Variants in C19orf38 observed in about 807,000 individuals in gnomAD.
C19orf38 encodes protein HIDE1.
A neutral mutation model predicts 26.6 loss-of-function variants in C19orf38; 14 were observed. The observed-to-expected ratio is 0.53, with a 90% CI of 0.35 to 0.82. C19orf38 has a LOEUF of 0.82. Ranked by LOEUF, C19orf38 falls within the 40% of genes least tolerant of loss-of-function variation. The pLI, the probability that C19orf38 is intolerant of heterozygous loss-of-function variation, is 0.01. For missense variants in C19orf38, 261 were observed against 299.5 expected, an observed-to-expected ratio of 0.87 and a Z score of 0.95; for synonymous variants, 132 against 128.5, an observed-to-expected ratio of 1.03 and a Z score of -0.18.
rs1254687367 is a variant in C19orf38 at position 10,850,404 on chromosome 19, G to A, written c.177G>A (p.Gln59=). 13 of 1,550,694 alleles carry A rather than the reference G, an allele frequency of 8.4e-6. No homozygotes were observed. The highest frequency in any genetic ancestry group is 2.4e-5 in the South Asian group (2 of 84,020). Residue 59 remains glutamine (Q), a synonymous_variant, in exon 2 of 7, where the codon CAG becomes CAA. Coordinates refer to ENST00000397820, the MANE Select transcript of C19orf38 (RefSeq NM_001136482.3). ...FTLYRGGQVV[Q]LLQAPTDQRG... ...TGTATCGAGGGGGGCAGGTGGTCCA[G>A]CTCCTGCAGGCCCCCACGGACCAGC...
intron 6 of C19orf38, among the ~76,000 whole-genome samples, chr19:10,864,796 G>T (rs2073736223): frequency 6.6e-6 from 1 of 152,130 alleles, no homozygotes; most frequent in Non-Finnish European, 1.5e-5. Flanking sequence ...TTGATGAGGG[G>T]GCCAAGGGAG....
At chr19:10,837,655 G>A (rs1364952317) in intron 1 of C19orf38, among the ~76,000 whole-genome samples, 1 of 150,874 alleles carries the variant, frequency 6.6e-6, no homozygotes, top group Non-Finnish European at 1.5e-5. Flanking sequence ...CTACAGGCAC[G>A]TGCCACCACA....
chr19:10,850,681 C>G, intron 2 of C19orf38, 114 bp downstream of exon 2: 3 of 1,123,626 alleles, frequency 2.7e-6, no homozygotes, highest in Non-Finnish European at 3.8e-6. Context: ...TACACCCTGC[C>G]AGGACTTACT....
In C19orf38 at chr19:10,857,366, A is replaced by ATTTTTTT. The variant is rs773726753; in HGVS notation, c.434-937_434-931dup. 3.4e-3 allele frequency among the ~76,000 whole-genome samples: 188 copies of ATTTTTTT among 56,080 alleles called. 15 individuals are homozygous for ATTTTTTT. The highest frequency in any genetic ancestry group is 0.018 in the African/African-American group (104 of 5,824). 36.8% of individuals were successfully genotyped at this position (56,080 alleles called of 152,430 possible). ...TATATATATATATATATATATATAT[A>ATTTTTTT]TTTTTTTTTTTTTTTTTTTAAGATG... is the stretch of plus-strand genomic sequence containing the variant. On this transcript the variant is annotated intron_variant, in intron 3 of 6. Transcript: ENST00000397820.
At chr19:10,867,211 A>T (rs1323881890) in intron 6 of C19orf38, among the ~76,000 whole-genome samples, 5 of 151,574 alleles carry the variant, frequency 3.3e-5, no homozygotes, top group African/African-American at 1.2e-4. Flanking sequence ...TGGACATCTC[A>T]TGGATATGAG....
chr19:10,851,431 C>G (rs920055824), intron 2 of C19orf38, among the ~76,000 whole-genome samples: 1 of 151,026 alleles, frequency 6.6e-6, no homozygotes, highest in Non-Finnish European at 1.5e-5. Flanking sequence ...TCCTCCAATT[C>G]CTATCCTCAA....
intron 1 of C19orf38, among the ~76,000 whole-genome samples, chr19:10,842,508 C>G (rs949760923): frequency 1.3e-5 from 2 of 152,114 alleles, no homozygotes; most frequent in Admixed American, 1.3e-4. Flanking sequence ...GATCCGTCGG[C>G]CTTGGCCTCC....
chr19:10,868,220 T>G (rs1187781028), intron 6 of C19orf38, among the ~76,000 whole-genome samples: 3 of 152,212 alleles, frequency 2.0e-5, no homozygotes, highest in Non-Finnish European at 4.4e-5. Flanking sequence ...CCTTGCTGAG[T>G]GTCTGATATG....
chr19:10,858,938 T>G (rs140037145), intron 4 of C19orf38, among the ~76,000 whole-genome samples: 3 of 63,478 alleles, frequency 4.7e-5, no homozygotes, highest in Middle Eastern at 8.9e-3. Flanking sequence ...ATATATATGT[T>G]TTTTTTTTTT....
chr19:10,839,285 T>A (rs2073461924), intron 1 of C19orf38, among the ~76,000 whole-genome samples: 1 of 152,166 alleles, frequency 6.6e-6, no homozygotes, highest in Admixed American at 6.6e-5. Flanking sequence ...TATGCCTGGC[T>A]CCCAGGTAGC....
At chr19:10,867,370 C>G (rs565024276) in intron 6 of C19orf38, among the ~76,000 whole-genome samples, 2 of 149,564 alleles carry the variant, frequency 1.3e-5, no homozygotes, top group Admixed American at 6.8e-5. Flanking sequence ...TTTGGGAGGC[C>G]AAGGCGGGCA....
At chr19:10,837,113 C>T (rs1225085539) in intron 1 of C19orf38, among the ~76,000 whole-genome samples, 1 of 152,226 alleles carries the variant, frequency 6.6e-6, no homozygotes, top group South Asian at 2.1e-4. Context: ...TAGGCCTACG[C>T]TACTGGGCTG....
intron 1 of C19orf38, among the ~76,000 whole-genome samples, chr19:10,839,072 A>G (rs1206003998): frequency 6.6e-6 from 1 of 151,742 alleles, no homozygotes; most frequent in Non-Finnish European, 1.5e-5. Flanking sequence ...CGCCCAACTA[A>G]TTTTTTGTAT....
rs149542848 is a variant in C19orf38 at position 10,840,078 on chromosome 19, A to G, written c.-69+3308A>G. On this transcript the variant is annotated intron_variant, in intron 1 of 7. Transcript: ENST00000592854. Reference sequence around the variant, plus strand: ...GACAGTAGAGTTATTTCAACCTTTTAGCTATTGTGAGTACAGCTGCTGTTA... The same window carrying G: ...GACAGTAGAGTTATTTCAACCTTTTGGCTATTGTGAGTACAGCTGCTGTTA... Among the ~76,000 whole-genome samples the G allele has an allele frequency of 2.6e-5, 4 of 152,212 alleles. No homozygotes were observed. The East Asian group carries it at 7.7e-4, about 29-fold the overall frequency.
intron 1 of C19orf38, chr19:10,841,773 G>A (rs531320016): frequency 2.1e-4 from 188 of 876,472 alleles, no homozygotes; most frequent in Non-Finnish European, 3.2e-4. Context: ...AGGAGTTCCC[G>A]ACTAGCCTGG....
intron 4 of C19orf38, among the ~76,000 whole-genome samples, chr19:10,859,238 TTATA>T (rs1224465549): frequency 8.7e-6 from 1 of 115,166 alleles, no homozygotes; most frequent in African/African-American, 3.5e-5. Flanking sequence ...TGCCTGGCTT[TTATA>T]TATGTGTGTG....
At chr19:10,868,969 T>C (rs549812259) in intron 6 of C19orf38, among the ~76,000 whole-genome samples, 2 of 152,076 alleles carry the variant, frequency 1.3e-5, no homozygotes, top group East Asian at 3.9e-4. Flanking sequence ...TATAGAGGGG[T>C]GAAGCCACAC....
At position 10,859,920 on chromosome 19, in the gene C19orf38, G is replaced by C. The variant is rs376886395; in HGVS notation, c.467G>C (p.Arg156Pro). 6.4e-5 allele frequency: 100 copies of C among 1,551,814 alleles called. No homozygotes were observed. The highest frequency in any genetic ancestry group is 8.7e-7 in the Non-Finnish European group (1 of 1,146,918). ...TCTCCTGAATTCCTTTGCAGAGATCGAGAATCCTGCTGGGCCCAGATTAAC... is the reference window on the plus strand; with the variant it reads ...TCTCCTGAATTCCTTTGCAGAGATCCAGAATCCTGCTGGGCCCAGATTAAC... ...KLRNLQKKRD[R>P]ESCWAQINFD... Residue 156 changes from arginine to proline, a missense_variant, in exon 5 of 7, where the codon CGA (arginine) becomes CCA (proline). Physicochemically the swap from Arg to Pro is moderately radical, Grantham distance 103 (BLOSUM62 -2). Coordinates refer to ENST00000397820, the MANE Select transcript of C19orf38 (RefSeq NM_001136482.3).
chr19:10,851,483 G>A lies in C19orf38; in HGVS notation c.340+916G>A, dbSNP rs555870452. ...AGCCTCCTAAGTAGCTGAGACTACA[G>A]GTGTGCACCACCATGCCCAGCTAAT... On this transcript the variant is annotated intron_variant, in intron 2 of 6. Transcript: ENST00000397820. Among the ~76,000 whole-genome samples the A allele has an allele frequency of 5.3e-5, 8 of 152,086 alleles. No homozygotes were observed. In the East Asian group the frequency reaches 1.5e-3, roughly 29 times the overall value.
Sources: gnomAD v4.1 joint callset for allele counts (sites outside exome capture counted in the v4.1 genomes callset) on GRCh38, gnomAD v4.1.1 for gene constraint, MANE v1.5 for transcripts, NCBI Gene and HGNC (gene_info 2026-07-23, HGNC 2026-07-21) for gene names.